Variants in ATXN7L1 observed in about 807,000 individuals in gnomAD.
ATXN7L1 encodes ataxin 7 like 1.
ATXN7L1 carries 15 observed loss-of-function variants against 70.8 expected under a neutral mutation model. That is an observed-to-expected ratio of 0.21 (90% CI 0.14 to 0.33). The LOEUF is 0.33. ATXN7L1 is among the 10% of genes least tolerant of loss of function. The pLI, the probability that ATXN7L1 is intolerant of heterozygous loss-of-function variation, is 1.00. For missense variants in ATXN7L1, 975 were observed against 1,097.1 expected, an observed-to-expected ratio of 0.89 and a Z score of 1.57; for synonymous variants, 440 against 445.1, an observed-to-expected ratio of 0.99 and a Z score of 0.14.
chr7:105,631,850 C>T (rs746049771), intron 7 of ATXN7L1, among the ~76,000 whole-genome samples: 1 of 152,214 alleles, frequency 6.6e-6, no homozygotes, highest in Non-Finnish European at 1.5e-5. Flanking sequence ...ACGGGGCCAT[C>T]AGGCTCAGCG....
At position 105,648,678 on chromosome 7, in the gene ATXN7L1, C is replaced by T. The variant is rs149287416; in HGVS notation, c.579-5557G>A. Among the ~76,000 whole-genome samples, 370 of 152,304 alleles carry T rather than the reference C, an allele frequency of 2.4e-3. 4 individuals are homozygous for T. The highest frequency in any genetic ancestry group is 8.4e-3 in the African/African-American group (351 of 41,568). ...TGCAGTCACAGGGAAGCCAGTGTCTCGGAATTGTCCTCTGCTTCCTCTCAC... is the reference window on the plus strand; with the variant it reads ...TGCAGTCACAGGGAAGCCAGTGTCTTGGAATTGTCCTCTGCTTCCTCTCAC... On this transcript the variant is annotated intron_variant, in intron 4 of 11. Transcript: ENST00000419735.
intron 3 of ATXN7L1, among the ~76,000 whole-genome samples, chr7:105,734,363 G>C (rs1003181224): frequency 6.6e-6 from 1 of 152,202 alleles, no homozygotes; most frequent in Non-Finnish European, 1.5e-5. Flanking sequence ...CCTTTCCTCA[G>C]ACTGCCTCTC....
intron 3 of ATXN7L1, among the ~76,000 whole-genome samples, chr7:105,721,620 C>T (rs1795196426): frequency 6.6e-6 from 1 of 152,246 alleles, no homozygotes; most frequent in South Asian, 2.1e-4. Flanking sequence ...CTTGCACTAA[C>T]TTGGGTGTCA....
rs903309928 is a variant in ATXN7L1 at position 105,606,012 on chromosome 7, A to G, written c.*1840T>C. The G allele has an allele frequency of 2.0e-5, 3 of 152,210 alleles. No individual in the cohort carries two copies. In the East Asian group the frequency reaches 5.8e-4, roughly 29 times the overall value. 9.4% of individuals were successfully genotyped at this position (152,210 alleles called of 1,614,324 possible). ...TTCAAAGGGTCTAACCTTGTTTATA[A>G]TTTCTTAAACATTTATAAGTCTTAA... On this transcript the variant is annotated 3_prime_UTR_variant, in exon 12 of 12. Transcript: ENST00000419735.
intron 3 of ATXN7L1, among the ~76,000 whole-genome samples, chr7:105,685,052 TAA>T (rs1297982862): frequency 3.6e-5 from 3 of 83,706 alleles, no homozygotes; most frequent in Non-Finnish European, 7.8e-5. Context: ...ATGATAATAA[TAA>T]TAATAATAAT....
intron 3 of ATXN7L1, among the ~76,000 whole-genome samples, chr7:105,736,201 T>C (rs938760481): frequency 3.9e-5 from 6 of 152,212 alleles, no homozygotes; most frequent in Admixed American, 3.9e-4. Context: ...CCTATCCATA[T>C]TGGGGCTGAA....
chr7:105,866,161 C>T (rs766141432), intron 2 of ATXN7L1, among the ~76,000 whole-genome samples: 1 of 152,092 alleles, frequency 6.6e-6, no homozygotes, highest in African/African-American at 2.4e-5. Flanking sequence ...ACTCACACTC[C>T]CCCTACAGTT....
At chr7:105,610,435 G>C in intron 11 of ATXN7L1, 94 bp downstream of exon 11, 2 of 1,155,912 alleles carry the variant, frequency 1.7e-6, no homozygotes, top group East Asian at 2.6e-5. Context: ...TGGAGATGAG[G>C]TTTGAATCAG....
At chr7:105,674,192 A>C (rs948783677) in intron 3 of ATXN7L1, among the ~76,000 whole-genome samples, 2 of 152,184 alleles carry the variant, frequency 1.3e-5, no homozygotes, top group Non-Finnish European at 2.9e-5. Flanking sequence ...TTGGGCACTA[A>C]GTTCTTTTGA....
At chr7:105,781,729 A>T (rs1415077796) in intron 3 of ATXN7L1, among the ~76,000 whole-genome samples, 2 of 152,224 alleles carry the variant, frequency 1.3e-5, no homozygotes, top group Non-Finnish European at 2.9e-5. Context: ...TCAACATGAA[A>T]CTTTATGAGA....
intron 2 of ATXN7L1, chr7:105,875,321 T>C (rs1242525078): frequency 1.2e-5 from 2 of 160,560 alleles, no homozygotes; most frequent in Admixed American, 1.2e-4. Flanking sequence ...TGTGACCAAA[T>C]GCAAAGTGGG....
chr7:105,651,055 G>A (rs187489966), intron 4 of ATXN7L1, among the ~76,000 whole-genome samples: 3 of 152,260 alleles, frequency 2.0e-5, no homozygotes, highest in African/African-American at 7.2e-5. Context: ...CAGCCTTCTG[G>A]CTACCCGGTT....
intron 2 of ATXN7L1, among the ~76,000 whole-genome samples, chr7:105,855,264 C>T (rs1002111494): frequency 6.6e-6 from 1 of 152,150 alleles, no homozygotes; most frequent in African/African-American, 2.4e-5. Flanking sequence ...AAATTTTAGG[C>T]TTTGTCTCAA....
intron 3 of ATXN7L1, among the ~76,000 whole-genome samples, chr7:105,749,623 CAA>C (rs34443905): frequency 5.3e-5 from 7 of 131,694 alleles, no homozygotes; most frequent in Admixed American, 7.7e-5. Flanking sequence ...GACTCTGTCT[CAA>C]AAAAAAAAAA....
At chr7:105,610,404 C>T in intron 11 of ATXN7L1, 125 bp downstream of exon 11, 1 of 858,048 alleles carries the variant, frequency 1.2e-6, no homozygotes. Flanking sequence ...GGTTTGGAAG[C>T]CAGGTAGCCA....
chr7:105,688,263 C>T (rs907503124), intron 3 of ATXN7L1, among the ~76,000 whole-genome samples: 4 of 152,114 alleles, frequency 2.6e-5, no homozygotes, highest in African/African-American at 9.7e-5. Context: ...CAACTGGGGA[C>T]GGACACGGTG....
At chr7:105,693,527 C>A (rs1385894512) in intron 3 of ATXN7L1, among the ~76,000 whole-genome samples, 2 of 148,172 alleles carry the variant, frequency 1.3e-5, no homozygotes, top group African/African-American at 5.0e-5. Flanking sequence ...GGACTTAAAT[C>A]TAATGCCCCA....
Position 105,874,305 on chromosome 7 carries a change from CTTTAA to C in ATXN7L1, c.250+1502_250+1506del, listed in dbSNP as rs1203996352. Among the ~76,000 whole-genome samples the C allele has an allele frequency of 3.9e-5, 6 of 152,224 alleles. No homozygotes were observed. In the East Asian group the frequency reaches 9.6e-4, roughly 24 times the overall value. ...GTGCTATACCATGACCTTTACTCAA[CTTTAA>C]TTTAAAGATTTCCACAGCCTCATCA... On this transcript the variant is annotated intron_variant, in intron 2 of 11. Coordinates refer to ENST00000419735, the MANE Select transcript of ATXN7L1 (RefSeq NM_020725.2).
chr7:105,688,051 C>T (rs573275023), intron 3 of ATXN7L1, among the ~76,000 whole-genome samples: 63 of 152,276 alleles, frequency 4.1e-4, no homozygotes, highest in Admixed American at 1.6e-3. Context: ...TGCGGAGTGT[C>T]CCACCTCAGG....
Sources: allele counts gnomAD v4.1 joint callset (sites outside exome capture counted in the v4.1 genomes callset), GRCh38; gene constraint gnomAD v4.1.1; transcripts MANE v1.5; gene names NCBI Gene and HGNC (gene_info 2026-07-23, HGNC 2026-07-21).